The following CR2 variants were observed in gnomAD, a reference collection of about 807,000 sequenced individuals.
The protein encoded by CR2 is complement receptor type 2.
Under a neutral mutation model 123.0 loss-of-function variants are expected in CR2, and 96 were observed. The ratio of observed to expected loss-of-function variants is 0.78; its 90% CI spans 0.66 to 0.93. The LOEUF is 0.93. Ranked by LOEUF, CR2 falls within the 40% of genes least tolerant of loss-of-function variation. The pLI is 0.00. For missense variants in CR2, 1,258 were observed against 1,361.0 expected (o/e 0.92, Z 1.19); for synonymous variants, 484 against 469.5 (o/e 1.03, Z -0.40).
intron 1 of CR2, among the ~76,000 whole-genome samples, chr1:207,455,138 TTA>T (rs1657802363): frequency 6.6e-6 from 1 of 152,258 alleles, no homozygotes; most frequent in African/African-American, 2.4e-5. Flanking sequence ...TCACCGTTTA[TTA>T]TATCTTTTTT....
chr1:207,456,029 A>G (rs1448496556), intron 1 of CR2, among the ~76,000 whole-genome samples: 4 of 152,238 alleles, frequency 2.6e-5, no homozygotes, highest in African/African-American at 7.2e-5. Context: ...AGAGTGACCT[A>G]TAGGTCACTT....
intron 18 of CR2, among the ~76,000 whole-genome samples, chr1:207,483,142 A>C (rs999226433): frequency 6.6e-6 from 1 of 152,094 alleles, no homozygotes; most frequent in Non-Finnish European, 1.5e-5. Context: ...AGTCTTACCA[A>C]CTCTCAGGTA....
chr1:207,468,403 G>A, intron 2 of CR2, 124 bp from the exon 3 acceptor site: 1 of 903,606 alleles, frequency 1.1e-6, no homozygotes, highest in South Asian at 1.4e-5. Flanking sequence ...ATTATGTGTG[G>A]CCCAAGACAA....
intron 1 of CR2, among the ~76,000 whole-genome samples, chr1:207,461,744 C>T (rs891946711): frequency 4.6e-5 from 7 of 152,136 alleles, no homozygotes; most frequent in Non-Finnish European, 1.0e-4. Flanking sequence ...CATTCTTTGT[C>T]ACCTCCCTAG....
intron 16 of CR2, among the ~76,000 whole-genome samples, chr1:207,479,038 G>A (rs576618483): frequency 5.3e-5 from 8 of 152,028 alleles, no homozygotes; most frequent in African/African-American, 1.7e-4. Flanking sequence ...TGCCCAGGTT[G>A]GTCTCAAACT....
chr1:207,459,320 T>G lies in CR2; in HGVS notation c.58+4844T>G, dbSNP rs541442809. Reference sequence around the variant, plus strand: ...CTGGCTTTCTGAAGGTGTTTTTTGTTGTTTTTTTTTTTATTACATTAGTGA... The same window carrying G: ...CTGGCTTTCTGAAGGTGTTTTTTGTGGTTTTTTTTTTTATTACATTAGTGA... On this transcript the variant is annotated intron_variant, in intron 1 of 19. Coordinates refer to ENST00000367057, the MANE Select transcript of CR2 (RefSeq NM_001006658.3). 1.7e-3 allele frequency among the ~76,000 whole-genome samples: 249 copies of G among 146,916 alleles called. 2 individuals are homozygous for G. Among genetic ancestry groups the G allele is most frequent in the Non-Finnish European group, 2.2e-3 (145 of 66,136 alleles).
At position 207,471,441 on chromosome 1, in the gene CR2, T is replaced by A. The variant is rs201463658; in HGVS notation, c.1512T>A (p.Ser504Arg). 75 of 1,612,408 alleles carry A rather than the reference T, an allele frequency of 4.7e-5. No individual in the cohort carries two copies. The highest frequency in any genetic ancestry group is 1.4e-5 in the Non-Finnish European group (16 of 1,178,894). ...SCGEGYKLSG[S>R]VYQECQGTIP... ...TCTCTAGGTACAAGTTAAGTGGGAG[T>A]GTTTATCAGGAGTGTCAAGGCACAA... is the stretch of plus-strand genomic sequence containing the variant. Residue 504 changes from serine (S) to arginine (R), a missense_variant, in exon 9 of 20, where the codon AGT (serine) becomes AGA (arginine). Physicochemically the swap from Ser to Arg is moderately radical, Grantham distance 110 (BLOSUM62 -1). Coordinates refer to ENST00000367057, the MANE Select transcript of CR2 (RefSeq NM_001006658.3).
intron 18 of CR2, 41 bp downstream of exon 18, chr1:207,480,094 A>G (rs779982415): frequency 6.8e-7 from 1 of 1,469,142 alleles, no homozygotes; most frequent in African/African-American, 1.4e-5. Context: ...AACATGCACA[A>G]GTGGTTTCGG....
chr1:207,485,267 C>T (rs550951219), intron 18 of CR2, among the ~76,000 whole-genome samples, 197 bp from the exon 19 acceptor site: 6 of 152,046 alleles, frequency 3.9e-5, no homozygotes, highest in South Asian at 2.1e-4. Flanking sequence ...AGCAAACCAC[C>T]GTGGCACATG....
chr1:207,481,535 G>A (rs573365647), intron 18 of CR2, among the ~76,000 whole-genome samples: 32 of 151,914 alleles, frequency 2.1e-4, no homozygotes, highest in African/African-American at 7.7e-4. Flanking sequence ...AGAATTATTT[G>A]CACCACGACT....
At chr1:207,476,795 A>C (rs527487554) in intron 15 of CR2, among the ~76,000 whole-genome samples, 2 of 152,348 alleles carry the variant, frequency 1.3e-5, no homozygotes, top group South Asian at 4.1e-4. Flanking sequence ...TGTTGGTGGG[A>C]TTATGGGTAC....
At chr1:207,474,746 A>G (rs1270150404) in intron 13 of CR2, 78 bp from the exon 14 acceptor site, 6 of 1,440,338 alleles carry the variant, frequency 4.2e-6, no homozygotes, top group Non-Finnish European at 5.9e-6. Flanking sequence ...GCAGTTGCAT[A>G]TTGTCATTTG....
chr1:207,480,329 A>T (rs775184743), intron 18 of CR2, among the ~76,000 whole-genome samples: 18 of 152,122 alleles, frequency 1.2e-4, no homozygotes, highest in Non-Finnish European at 2.2e-4. Context: ...GACTGCAAAT[A>T]CTTTGGTGTA....
chr1:207,476,620 GA>G (rs1658450578), intron 15 of CR2, among the ~76,000 whole-genome samples: 1 of 152,156 alleles, frequency 6.6e-6, no homozygotes, highest in Non-Finnish European at 1.5e-5. Flanking sequence ...TCTGGTGAAT[GA>G]CCACTTATGT....
intron 4 of CR2, 98 bp from the exon 5 acceptor site, chr1:207,469,052 C>T (rs1658190250): frequency 7.5e-7 from 1 of 1,338,168 alleles, no homozygotes; most frequent in South Asian, 1.2e-5. Flanking sequence ...AACAGATGCA[C>T]ACTGATTGAA....
At chr1:207,479,075 TG>T (rs1302264867) in intron 16 of CR2, among the ~76,000 whole-genome samples, 181 bp from the exon 17 acceptor site, 1 of 152,124 alleles carries the variant, frequency 6.6e-6, no homozygotes, top group East Asian at 1.9e-4. Context: ...CTTCCCACCT[TG>T]GCCTCTCAAA....
At chr1:207,469,267 T>C in intron 5 of CR2, 35 bp downstream of exon 5, 1 of 1,522,802 alleles carries the variant, frequency 6.6e-7, no homozygotes, top group Non-Finnish European at 9.1e-7. Flanking sequence ...CAGCACTGCA[T>C]TCTCAGCTTA....
intron 1 of CR2, among the ~76,000 whole-genome samples, chr1:207,461,871 A>G (rs973270696): frequency 4.6e-5 from 7 of 152,058 alleles, no homozygotes; most frequent in African/African-American, 1.7e-4. Flanking sequence ...TTTAAGATAA[A>G]AGACCAGTAA....
intron 10 of CR2, 68 bp from the exon 11 acceptor site, chr1:207,473,477 G>T (rs1397787417): frequency 6.8e-7 from 1 of 1,473,852 alleles, no homozygotes; most frequent in Non-Finnish European, 9.5e-7. Context: ...GTCCAATGTT[G>T]TACACTTAGT....
Sources: allele counts gnomAD v4.1 joint callset (sites outside exome capture counted in the v4.1 genomes callset), GRCh38; gene constraint gnomAD v4.1.1; transcripts MANE v1.5; gene names NCBI Gene and HGNC (gene_info 2026-07-23, HGNC 2026-07-21).